GDI2: variants seen among roughly 807,000 people sequenced by gnomAD.
GDI2 encodes the protein rab GDP dissociation inhibitor beta.
A neutral mutation model predicts 54.2 loss-of-function variants in GDI2; 22 were observed. The ratio of observed to expected loss-of-function variants is 0.41; its 90% CI spans 0.29 to 0.58. GDI2 has a LOEUF of 0.58. Among genes scored for constraint, GDI2 ranks in the 20% least tolerant of loss-of-function variants. The pLI is 0.35. For missense variants in GDI2, 422 were observed against 546.0 expected, an observed-to-expected ratio of 0.77 and a Z score of 2.26; for synonymous variants, 177 against 182.1, an observed-to-expected ratio of 0.97 and a Z score of 0.23.
chr10:5,785,858 G>A lies in GDI2; in HGVS notation c.581C>T (p.Thr194Ile). ...FTGHALALYR[T>I]DDYLDQPCYE... ...TAAAAACCAAAATACTTACTCATCA[G>A]TTCTGTAAAGTGCAAGAGCATGACC... The change falls in exon 5 of 11, where the codon ACT becomes ATT. Residue 194 changes from threonine (T) to isoleucine (I), a missense_variant. Thr to Ile is a moderately conservative substitution (Grantham distance 89). Transcript: ENST00000380191. 1.3e-6 allele frequency: 2 copies of A among 1,585,170 alleles called. No homozygotes were observed. Among genetic ancestry groups the A allele is most frequent in the Non-Finnish European group, 1.7e-6 (2 of 1,154,770 alleles).
intron 1 of GDI2, among the ~76,000 whole-genome samples, chr10:5,804,053 C>T (rs568391547): frequency 6.6e-6 from 1 of 151,724 alleles, no homozygotes; most frequent in South Asian, 2.1e-4. Context: ...AAATTACTTA[C>T]CATGAGGTTC....
At position 5,796,751 on chromosome 10, in the gene GDI2, G is replaced by C. The variant is rs1841155306; in HGVS notation, c.253+12C>G. 2.4e-6 allele frequency: 3 copies of C among 1,239,818 alleles called. No individual in the cohort carries two copies. Among genetic ancestry groups the C allele is most frequent in the South Asian group, 1.2e-5 (1 of 82,650 alleles). 76.8% of individuals were successfully genotyped at this position (1,239,818 alleles called of 1,614,324 possible). A position where few individuals can be genotyped will look rare whatever the true frequency, so the allele number is the denominator to read the frequency against. ...AAAGTACTGTCATAAATTTAAGTTA[G>C]AAATTCTTTACCATTAGCCATAAGG... On this transcript the variant is annotated intron_variant, in intron 3 of 10. Coordinates refer to ENST00000380191, the MANE Select transcript of GDI2 (RefSeq NM_001494.4).
chr10:5,794,188 A>AAAAAAAATATAT (rs1448053813), intron 4 of GDI2, among the ~76,000 whole-genome samples: 3 of 40,340 alleles, frequency 7.4e-5, no homozygotes, highest in African/African-American at 2.0e-4. Flanking sequence ...AAAAAAAAAA[A>AAAAAAAATATAT]ATATATATAT....
At position 5,776,299 on chromosome 10, in the gene GDI2, A is replaced by G; in HGVS notation, c.720-2358T>C. ...AGCGTGAAAAGACTGAAAGCCCAGC[A>G]GAACATAGGATGTAGCTGCCCATCT... On this transcript the variant is annotated intron_variant, in intron 6 of 10. Coordinates refer to ENST00000380191, the MANE Select transcript of GDI2 (RefSeq NM_001494.4). This position sits in a 1 kb window ranked among gnomAD's most constrained non-coding sequence, Gnocchi z 5.3. 1 of 575,480 alleles carries G rather than the reference A, an allele frequency of 1.7e-6. No individual in the cohort carries two copies. Among genetic ancestry groups the G allele is most frequent in the Non-Finnish European group, 3.2e-6 (1 of 309,022 alleles). The allele number at this position is 575,480 out of a possible 1,614,324, so 35.6% of individuals were successfully genotyped here.
chr10:5,808,889 T>A (rs571103781), intron 1 of GDI2, among the ~76,000 whole-genome samples: 1 of 152,164 alleles, frequency 6.6e-6, no homozygotes, highest in Non-Finnish European at 1.5e-5. Flanking sequence ...AGCAACATAA[T>A]AAAAATGGCT....
intron 1 of GDI2, among the ~76,000 whole-genome samples, chr10:5,811,245 AAACTT>A (rs1841475363): frequency 6.6e-6 from 1 of 152,218 alleles, no homozygotes; most frequent in Non-Finnish European, 1.5e-5. Flanking sequence ...ACATCTCAGA[AAACTT>A]AGGAAGGCTC....
At chr10:5,772,066 T>C (rs1482468695) in intron 7 of GDI2, among the ~76,000 whole-genome samples, 1 of 150,536 alleles carries the variant, frequency 6.6e-6, no homozygotes, top group Admixed American at 6.6e-5. Flanking sequence ...TCCAGCCTGG[T>C]GACTGAGAAG....
Position 5,768,508 on chromosome 10 carries a change from G to A in GDI2, c.820-124C>T. 1.6e-6 allele frequency: 1 copy of A among 642,116 alleles called. No homozygotes were observed. The highest frequency in any genetic ancestry group is 2.8e-5 in the East Asian group (1 of 36,324). The allele number at this position is 642,116 out of a possible 1,614,324, so 39.8% of individuals were successfully genotyped here. ...AAAAACCATCCTCAAGTTCATATTG[G>A]TTCCCAAGGGATTGAATTCTGGAAC... On this transcript the variant is annotated intron_variant, in intron 7 of 10. Coordinates refer to ENST00000380191, the MANE Select transcript of GDI2 (RefSeq NM_001494.4). This position sits in a 1 kb window ranked among gnomAD's most constrained non-coding sequence, Gnocchi z 4.4.
chr10:5,776,643 A>G lies in GDI2; in HGVS notation c.720-2702T>C. On this transcript the variant is annotated intron_variant, in intron 6 of 10. Transcript: ENST00000380191. The surrounding 1 kb of genome is among the most constrained non-coding windows in gnomAD (Gnocchi z 5.3). ...CTTCTAAATGGTCCAATAGAAAAGG[A>G]GCTGGATGTAGATGCTGATTTTGTA... 1.3e-6 allele frequency: 2 copies of G among 1,482,970 alleles called. No homozygotes were observed. Among genetic ancestry groups the G allele is most frequent in the Non-Finnish European group, 1.9e-6 (2 of 1,066,230 alleles). 91.9% of individuals were successfully genotyped at this position (1,482,970 alleles called of 1,614,324 possible).
chr10:5,808,949 C>T (rs1841433336), intron 1 of GDI2, among the ~76,000 whole-genome samples: 1 of 151,900 alleles, frequency 6.6e-6, no homozygotes, highest in Non-Finnish European at 1.5e-5. Flanking sequence ...TAATGCATCT[C>T]ATTAAAAACT....
intron 1 of GDI2, among the ~76,000 whole-genome samples, chr10:5,810,543 T>C (rs1841463122): frequency 6.6e-6 from 1 of 152,168 alleles, no homozygotes; most frequent in Admixed American, 6.5e-5. Flanking sequence ...CATAGCAGCC[T>C]GAGAGTAAAG....
At position 5,774,083 on chromosome 10, in the gene GDI2, A is replaced by G; in HGVS notation, c.720-142T>C. 2.1e-6 allele frequency: 1 copy of G among 478,304 alleles called. No individual in the cohort carries two copies. Among genetic ancestry groups the G allele is most frequent in the South Asian group, 4.0e-5 (1 of 25,212 alleles). 29.6% of individuals were successfully genotyped at this position (478,304 alleles called of 1,614,324 possible). A position where few individuals can be genotyped will look rare whatever the true frequency, so the allele number is the denominator to read the frequency against. Reference sequence around the variant, plus strand: ...AAGATGTCAGCTTAGAAGTGATTAAAGCAAGAAAACAGAGTCAAAAACACA... The same window carrying G: ...AAGATGTCAGCTTAGAAGTGATTAAGGCAAGAAAACAGAGTCAAAAACACA... On this transcript the variant is annotated intron_variant, in intron 6 of 10. Transcript: ENST00000380191. This position sits in a 1 kb window ranked among gnomAD's most constrained non-coding sequence, Gnocchi z 4.8.
Position 5,785,237 on chromosome 10 carries a change from T to C in GDI2, c.624A>G (p.Arg208=). ...CCAAAGATTCACTGTAAAGTTTAAT[T>C]CTATTAATGGTTTCATAACACGGTT... The part of the protein sequence containing the change: ...LDQPCYETIN[R]IKLYSESLAR... The change falls in exon 6 of 11, where the codon AGA becomes AGG. Residue 208 remains arginine, a synonymous_variant. Coordinates refer to ENST00000380191, the MANE Select transcript of GDI2 (RefSeq NM_001494.4). The C allele has an allele frequency of 6.2e-7, 1 of 1,603,096 alleles. No individual in the cohort carries two copies. The highest frequency in any genetic ancestry group is 8.5e-7 in the Non-Finnish European group (1 of 1,170,336).
chr10:5,810,235 C>T (rs1841457741), intron 1 of GDI2, among the ~76,000 whole-genome samples: 1 of 152,172 alleles, frequency 6.6e-6, no homozygotes, highest in Non-Finnish European at 1.5e-5. Context: ...ATCTGGTATA[C>T]ATCACTAAAG....
chr10:5,789,538 TG>T (rs1373018000), intron 4 of GDI2, among the ~76,000 whole-genome samples: 1 of 152,148 alleles, frequency 6.6e-6, no homozygotes, highest in Non-Finnish European at 1.5e-5. Flanking sequence ...CCTCCTGCCT[TG>T]GCCTACCAAG....
intron 6 of GDI2, among the ~76,000 whole-genome samples, chr10:5,779,262 G>T (rs755007957): frequency 6.6e-6 from 1 of 152,096 alleles, no homozygotes; most frequent in Non-Finnish European, 1.5e-5. Context: ...CTGTAAAGCA[G>T]CAGTTTGGGA....
intron 1 of GDI2, among the ~76,000 whole-genome samples, chr10:5,810,194 G>C (rs1841457046): frequency 1.3e-5 from 2 of 152,258 alleles, no homozygotes; most frequent in South Asian, 2.1e-4. Flanking sequence ...GGGATGTAAA[G>C]CAAGTTTTTA....
At chr10:5,808,020 A>C (rs547656688) in intron 1 of GDI2, among the ~76,000 whole-genome samples, 1 of 152,302 alleles carries the variant, frequency 6.6e-6, no homozygotes, top group South Asian at 2.1e-4. Flanking sequence ...ATATTTTGAT[A>C]TACCTTCCTA....
At chr10:5,811,120 G>C (rs1221911794) in intron 1 of GDI2, among the ~76,000 whole-genome samples, 1 of 151,884 alleles carries the variant, frequency 6.6e-6, no homozygotes, top group Non-Finnish European at 1.5e-5. Context: ...CTAATTCCTG[G>C]TAACACTAAA....
Sources: gnomAD v4.1 joint callset for allele counts (sites outside exome capture counted in the v4.1 genomes callset) on GRCh38, gnomAD v4.1.1 for gene constraint, Gnocchi (gnomAD v3.1) non-coding constraint, MANE v1.5 for transcripts, NCBI Gene and HGNC (gene_info 2026-07-23, HGNC 2026-07-21) for gene names.